PSD3: variants seen among roughly 807,000 people sequenced by gnomAD.
The protein encoded by PSD3 is pleckstrin and Sec7 domain containing 3, also known as PH and SEC7 domain-containing protein 3.
PSD3 carries 49 observed loss-of-function variants against 105.5 expected under a neutral mutation model. That is an observed-to-expected ratio of 0.46 (90% CI 0.37 to 0.59). PSD3 has a LOEUF of 0.59. PSD3 is among the 20% of genes least tolerant of loss of function. The pLI is 0.00. For synonymous variants in PSD3, 557 were observed against 457.8 expected, an observed-to-expected ratio of 1.22 and a Z score of -2.77; for missense variants, 1,561 against 1,263.8, an observed-to-expected ratio of 1.24 and a Z score of -3.57.
intron 7 of PSD3, among the ~76,000 whole-genome samples, chr8:18,800,619 C>G (rs1397478666): frequency 2.0e-5 from 3 of 152,184 alleles, no homozygotes; most frequent in African/African-American, 7.2e-5. Flanking sequence ...GATCTCTCTT[C>G]ACAAGGTAGG....
At chr8:18,568,975 C>T (rs1229131637) in intron 14 of PSD3, among the ~76,000 whole-genome samples, 3 of 146,652 alleles carry the variant, frequency 2.0e-5, no homozygotes, top group East Asian at 2.0e-4. Flanking sequence ...TTTGTTCTTG[C>T]GATAGCTTAC....
At chr8:18,850,895 G>A (rs1272884484) in intron 4 of PSD3, among the ~76,000 whole-genome samples, 1 of 152,082 alleles carries the variant, frequency 6.6e-6, no homozygotes, top group East Asian at 1.9e-4. Flanking sequence ...AGAACATGCT[G>A]GGCACAGAAA....
intron 4 of PSD3, among the ~76,000 whole-genome samples, chr8:18,841,607 G>C (rs1319568858): frequency 6.6e-6 from 1 of 152,180 alleles, no homozygotes; most frequent in Non-Finnish European, 1.5e-5. Context: ...ACTGGTGAAT[G>C]TGTGGGCTTC....
rs1425774941 is a variant in PSD3 at position 18,533,109 on chromosome 8, A to G, written c.*2634T>C. 1 of 152,222 alleles carries G rather than the reference A, an allele frequency of 6.6e-6. No homozygotes were observed. Among genetic ancestry groups the G allele is most frequent in the Non-Finnish European group, 1.5e-5 (1 of 68,070 alleles). 9.4% of individuals were successfully genotyped at this position (152,222 alleles called of 1,614,324 possible). A position where few individuals can be genotyped will look rare whatever the true frequency, so the allele number is the denominator to read the frequency against. The stretch of plus-strand genomic sequence containing the variant: ...TTTCTTCTGGCTAGATGCCACAGGA[A>G]ATAAATTATCCCAAAGGAAAATGTG... On this transcript the variant is annotated 3_prime_UTR_variant, in exon 16 of 16. Transcript: ENST00000327040.
chr8:18,722,721 T>C (rs1469588441), intron 9 of PSD3, among the ~76,000 whole-genome samples: 1 of 152,154 alleles, frequency 6.6e-6, no homozygotes, highest in Non-Finnish European at 1.5e-5. Flanking sequence ...CATACTGACC[T>C]CTTCGGCCTG....
intron 2 of PSD3, among the ~76,000 whole-genome samples, chr8:18,883,946 A>C (rs188199415): frequency 6.6e-6 from 1 of 152,318 alleles, no homozygotes; most frequent in East Asian, 1.9e-4. Flanking sequence ...CCAGTTAGTA[A>C]ACACCTTAAA....
chr8:18,746,275 A>G (rs1805012501), intron 9 of PSD3, among the ~76,000 whole-genome samples: 1 of 152,098 alleles, frequency 6.6e-6, no homozygotes, highest in Non-Finnish European at 1.5e-5. Flanking sequence ...CCCCATTCTG[A>G]GTCCATAAAG....
chr8:18,865,243 T>C (rs1816749029), intron 4 of PSD3: 4 of 2,836 alleles, frequency 1.4e-3, no homozygotes, highest in Non-Finnish European at 2.2e-3. Context: ...TATATATATA[T>C]ATATATATAT....
intron 1 of PSD3, among the ~76,000 whole-genome samples, chr8:18,951,671 C>A (rs1424257543): frequency 6.6e-6 from 1 of 152,106 alleles, no homozygotes; most frequent in African/African-American, 2.4e-5. Flanking sequence ...CTTTTGGACC[C>A]AAACAATCAA....
intron 4 of PSD3, among the ~76,000 whole-genome samples, chr8:18,813,468 A>G (rs1272764884): frequency 2.6e-5 from 4 of 152,166 alleles, no homozygotes; most frequent in Non-Finnish European, 5.9e-5. Context: ...GGGAGAGGCT[A>G]GAGCACTCAA....
chr8:18,677,421 T>TA (rs112042305), intron 9 of PSD3, among the ~76,000 whole-genome samples: 36 of 148,740 alleles, frequency 2.4e-4, no homozygotes, highest in East Asian at 5.9e-4. Context: ...CTATTAAAAA[T>TA]AAAAAAAAAA....
At chr8:19,060,009 G>A (rs1160845675) in intron 1 of PSD3, among the ~76,000 whole-genome samples, 6 of 152,210 alleles carry the variant, frequency 3.9e-5, no homozygotes, top group Non-Finnish European at 2.9e-5. Context: ...TGAAATAAGT[G>A]CTTTTGACAA....
intron 15 of PSD3, among the ~76,000 whole-genome samples, chr8:18,542,292 G>A (rs1800196464): frequency 6.6e-6 from 1 of 152,252 alleles, no homozygotes; most frequent in South Asian, 2.1e-4. Context: ...GAATCTACTT[G>A]CCTGATCATT....
intron 4 of PSD3, among the ~76,000 whole-genome samples, chr8:18,811,658 G>C (rs1811692747): frequency 6.6e-6 from 1 of 152,146 alleles, no homozygotes; most frequent in South Asian, 2.1e-4. Flanking sequence ...GATAAGCCTT[G>C]CAAATATGAT....
chr8:18,608,317 T>C (rs1189725933), intron 11 of PSD3, among the ~76,000 whole-genome samples: 1 of 152,206 alleles, frequency 6.6e-6, no homozygotes, highest in African/African-American at 2.4e-5. Context: ...CAGTAAATGG[T>C]CTGTACCAGT....
chr8:18,709,929 C>T lies in PSD3; in HGVS notation c.2173-54244G>A, dbSNP rs144752341. ...CTGAAAATTAAAAAGAAATAGGGTG[C>T]CTCTTCTCCTCCAAATGATTGCACC... On this transcript the variant is annotated intron_variant, in intron 9 of 15. Transcript: ENST00000327040. 1.4e-3 allele frequency among the ~76,000 whole-genome samples: 218 copies of T among 152,274 alleles called. 1 individual carries two copies. Among genetic ancestry groups the T allele is most frequent in the African/African-American group, 5.2e-3 (216 of 41,558 alleles).
Position 18,804,850 on chromosome 8 carries a change from C to T in PSD3, c.1683G>A (p.Gly561=), listed in dbSNP as rs150268532. The change falls in exon 5 of 16, where the codon GGG becomes GGA. Residue 561 remains glycine, a synonymous_variant. Transcript: ENST00000327040. Reference sequence around the variant, plus strand: ...TCTCCTTTTCCAAAATTTCAGTGCTCCCCATTTCAGAATGAGCTTCTAGCC... The same window carrying T: ...TCTCCTTTTCCAAAATTTCAGTGCTTCCCATTTCAGAATGAGCTTCTAGCC... ...TTRLEAHSEM[G]STEILEKETP... 255 of 1,613,090 alleles carry T rather than the reference C, an allele frequency of 1.6e-4. 1 individual carries two copies. Among genetic ancestry groups the T allele is most frequent in the Non-Finnish European group, 9.3e-5 (110 of 1,179,072 alleles).
intron 12 of PSD3, among the ~76,000 whole-genome samples, chr8:18,599,737 A>G (rs1804295921): frequency 6.6e-6 from 1 of 152,114 alleles, no homozygotes; most frequent in African/African-American, 2.4e-5. Flanking sequence ...GCAGAAGCCA[A>G]CTTTTCTTAT....
chr8:18,655,962 G>A (rs565626395), intron 9 of PSD3, among the ~76,000 whole-genome samples: 1 of 152,266 alleles, frequency 6.6e-6, no homozygotes, highest in South Asian at 2.1e-4. Context: ...TAAAATATTA[G>A]GATGTGATTA....
Sources: allele counts gnomAD v4.1 joint callset (sites outside exome capture counted in the v4.1 genomes callset), GRCh38; gene constraint gnomAD v4.1.1; transcripts MANE v1.5; gene names NCBI Gene and HGNC (gene_info 2026-07-23, HGNC 2026-07-21).